The following EPAS1 variants were observed in gnomAD, a reference collection of about 807,000 sequenced individuals.
EPAS1 encodes the protein endothelial PAS domain protein 1.
Under a neutral mutation model 87.9 loss-of-function variants are expected in EPAS1, and 23 were observed. The observed-to-expected ratio is 0.26, with a 90% CI of 0.19 to 0.37. The LOEUF is 0.37. Among genes scored for constraint, EPAS1 ranks in the 10% least tolerant of loss-of-function variants. The probability of loss-of-function intolerance (pLI) is 1.00; values close to 1 mark genes in which losing one functional copy is unlikely to be tolerated. For synonymous variants in EPAS1, 508 were observed against 444.3 expected (o/e 1.14, Z -1.80); for missense variants, 1,138 against 1,120.7 (o/e 1.02, Z -0.22).
chr2:46,342,226 TG>T (rs1314884281), intron 1 of EPAS1, among the ~76,000 whole-genome samples: 1 of 152,174 alleles, frequency 6.6e-6, no homozygotes, highest in East Asian at 1.9e-4. Context: ...CAGTTAAGTA[TG>T]GGGACCAGTG....
intron 9 of EPAS1, 45 bp downstream of exon 9, chr2:46,376,798 G>C: frequency 6.3e-7 from 1 of 1,599,946 alleles, no homozygotes; most frequent in Non-Finnish European, 8.5e-7. Context: ...CCCCGTTGGG[G>C]CTGGGAAGAG....
At position 46,375,725 on chromosome 2, in the gene EPAS1, C is replaced by T. The variant is rs1245767976; in HGVS notation, c.922C>T (p.Arg308Trp). 1.2e-6 allele frequency: 2 copies of T among 1,614,000 alleles called. No individual in the cohort carries two copies. Among genetic ancestry groups the T allele is most frequent in the Non-Finnish European group, 1.7e-6 (2 of 1,180,016 alleles). The change falls in exon 8 of 16, where the codon CGG (arginine) becomes TGG (tryptophan). Residue 308 changes from arginine to tryptophan, a missense_variant. Around this residue, in one of 4 missense-constraint regions of EPAS1, gnomAD observed 351 missense variants for 417.1 expected, o/e 0.84. Coordinates refer to ENST00000263734, the MANE Select transcript of EPAS1 (RefSeq NM_001430.5). The surrounding 1 kb of genome is among the most constrained non-coding windows in gnomAD (Gnocchi z 4.1). ...GGGTCAGGTAGTAAGTGGCCAGTAC[C>T]GGATGCTCGCAAAGCATGGGGGCTA... ...TKGQVVSGQY[R>W]MLAKHGGYVW...
intron 9 of EPAS1, among the ~76,000 whole-genome samples, chr2:46,377,578 C>T (rs1380592906): frequency 6.6e-6 from 1 of 152,266 alleles, no homozygotes; most frequent in Non-Finnish European, 1.5e-5. Flanking sequence ...TAGCCCAATT[C>T]TCCTCTCCCT....
At chr2:46,377,565 CA>C (rs769076011) in intron 9 of EPAS1, among the ~76,000 whole-genome samples, 8 of 152,384 alleles carry the variant, frequency 5.2e-5, no homozygotes, top group Admixed American at 2.6e-4. Context: ...GCAAATAGCT[CA>C]ATAGCCCAAT....
At position 46,346,717 on chromosome 2, in the gene EPAS1, C is replaced by T. The variant is rs1684034298; in HGVS notation, c.27-156C>T. 6.6e-6 allele frequency among the ~76,000 whole-genome samples: 1 copy of T among 152,216 alleles called. No homozygotes were observed. The highest frequency in any genetic ancestry group is 2.4e-5 in the African/African-American group (1 of 41,446). On this transcript the variant is annotated intron_variant, in intron 1 of 15. Coordinates refer to ENST00000263734, the MANE Select transcript of EPAS1 (RefSeq NM_001430.5). This position sits in a 1 kb window ranked among gnomAD's most constrained non-coding sequence, Gnocchi z 4.0. ...CAAAAGCAGAGCTAACAATACAAAGCAGGTTGTGTGTGGCTCAGACAACTG... is the reference window on the plus strand; with the variant it reads ...CAAAAGCAGAGCTAACAATACAAAGTAGGTTGTGTGTGGCTCAGACAACTG...
Position 46,356,784 on chromosome 2 carries a change from C to T in EPAS1, c.430C>T (p.Arg144Cys). The change falls in exon 4 of 16, where the codon CGT (arginine) becomes TGT (cysteine). Residue 144 changes from arginine to cysteine, a missense_variant. Physicochemically the swap from Arg to Cys is radical, Grantham distance 180 (BLOSUM62 -3). This residue lies in a region of EPAS1 where 351 missense variants were observed against 417.1 expected (regional missense o/e 0.84). Transcript: ENST00000263734. ...TCATCCCTGCGACCATGAGGAGATT[C>T]GTGAGAACCTGAGTCTCAAAAATGG... ...FTHPCDHEEI[R>C]ENLSLKNGSG... is the part of the protein sequence containing the mutation. 4 of 1,613,704 alleles carry T rather than the reference C, an allele frequency of 2.5e-6. No individual in the cohort carries two copies. The highest frequency in any genetic ancestry group is 3.4e-6 in the Non-Finnish European group (4 of 1,179,586).
chr2:46,362,977 A>AGTGGTGGTGGTGGTGGTG (rs75642579), intron 6 of EPAS1, among the ~76,000 whole-genome samples: 9 of 104,370 alleles, frequency 8.6e-5, no homozygotes, highest in Non-Finnish European at 1.6e-4. Flanking sequence ...TGGTGGTGGT[A>AGTGGTGGTGGTGGTGGTG]GTGGTGGTGG....
rs1195191791 is a variant in EPAS1 at position 46,385,579 on chromosome 2, C to G, written c.*919C>G. Reference sequence around the variant, plus strand: ...TGTACGGACACTGTGGAAGGCCTCCCTCTGTCGGCTTTTTGCCATCTGTGA... The same window carrying G: ...TGTACGGACACTGTGGAAGGCCTCCGTCTGTCGGCTTTTTGCCATCTGTGA... On this transcript the variant is annotated 3_prime_UTR_variant, in exon 16 of 16. Coordinates refer to ENST00000263734, the MANE Select transcript of EPAS1 (RefSeq NM_001430.5). The G allele has an allele frequency of 6.6e-6, 1 of 152,250 alleles. No individual in the cohort carries two copies. The highest frequency in any genetic ancestry group is 1.9e-4 in the East Asian group (1 of 5,204). The allele number at this position is 152,250 out of a possible 1,614,324, so 9.4% of individuals were successfully genotyped here.
At position 46,383,049 on chromosome 2, in the gene EPAS1, G is replaced by A. The variant is rs186120083; in HGVS notation, c.2461+451G>A. Among the ~76,000 whole-genome samples, 729 of 152,326 alleles carry A rather than the reference G, an allele frequency of 4.8e-3. 4 individuals are homozygous for A. Among genetic ancestry groups the A allele is most frequent in the South Asian group, 0.023 (109 of 4,822 alleles). On this transcript the variant is annotated intron_variant, in intron 15 of 15. Coordinates refer to ENST00000263734, the MANE Select transcript of EPAS1 (RefSeq NM_001430.5). ...AGAGTTGGGAAGCGGTCTGGGCAGA[G>A]GCAGGGGATCTCCCGTCTATGCAAG...
chr2:46,299,098 GA>G, intron 1 of EPAS1, among the ~76,000 whole-genome samples: 1 of 152,388 alleles, frequency 6.6e-6, no homozygotes, highest in African/African-American at 2.4e-5. Flanking sequence ...CTAAGGGAGG[GA>G]GGTGACTGGC....
chr2:46,372,146 C>G (rs959304052), intron 7 of EPAS1, among the ~76,000 whole-genome samples: 1 of 152,198 alleles, frequency 6.6e-6, no homozygotes, highest in African/African-American at 2.4e-5. Flanking sequence ...ATAGAAATCA[C>G]AGGCTCTCTC....
intron 6 of EPAS1, among the ~76,000 whole-genome samples, chr2:46,368,544 T>C (rs192847058): frequency 1.0e-3 from 152 of 152,138 alleles, no homozygotes; most frequent in Admixed American, 2.4e-3. Flanking sequence ...AGGTTGCAAG[T>C]AGTATTTTAG....
At chr2:46,341,726 A>C (rs1683917973) in intron 1 of EPAS1, among the ~76,000 whole-genome samples, 1 of 152,220 alleles carries the variant, frequency 6.6e-6, no homozygotes, top group Non-Finnish European at 1.5e-5. Context: ...ACACATGATC[A>C]CAGGCCTGGA....
Position 46,360,101 on chromosome 2 carries a change from C to A in EPAS1, c.455-537C>A, listed in dbSNP as rs1028788419. On this transcript the variant is annotated intron_variant, in intron 4 of 15. Transcript: ENST00000263734. The surrounding 1 kb of genome is among the most constrained non-coding windows in gnomAD (Gnocchi z 4.5). ...AGGGACAAAGCTAATGGCATGGTATCCTGAACACAGCTATTGCAGTTTGCA... is the reference window on the plus strand; with the variant it reads ...AGGGACAAAGCTAATGGCATGGTATACTGAACACAGCTATTGCAGTTTGCA... Among the ~76,000 whole-genome samples, 1 of 152,142 alleles carries A rather than the reference C, an allele frequency of 6.6e-6. No individual in the cohort carries two copies. Among genetic ancestry groups the A allele is most frequent in the East Asian group, 1.9e-4 (1 of 5,202 alleles).
In EPAS1 at chr2:46,384,514, G is replaced by A. The variant is rs2103682245; in HGVS notation, c.2467G>A (p.Ala823Thr). 1 of 1,614,178 alleles carries A rather than the reference G, an allele frequency of 6.2e-7. No individual in the cohort carries two copies. Among genetic ancestry groups the A allele is most frequent in the Non-Finnish European group, 8.5e-7 (1 of 1,180,042 alleles). Reference sequence around the variant, plus strand: ...GGTACCAACCCTTCTTTCAGGCATGGCAAGCCGGCTGCTCGGGCCCTCATT... The same window carrying A: ...GGTACCAACCCTTCTTTCAGGCATGACAAGCCGGCTGCTCGGGCCCTCATT... The part of the protein sequence containing the change: ...LSSAHKVSGM[A>T]SRLLGPSFES... Residue 823 changes from alanine to threonine, a missense_variant, in exon 16 of 16, where the codon GCA (alanine) becomes ACA (threonine). Physicochemically the swap from Ala to Thr is moderately conservative, Grantham distance 58. Around this residue, in one of 4 missense-constraint regions of EPAS1, gnomAD observed 502 missense variants for 427.1 expected, o/e 1.18. Coordinates refer to ENST00000263734, the MANE Select transcript of EPAS1 (RefSeq NM_001430.5).
chr2:46,378,861 G>A, intron 11 of EPAS1, 94 bp downstream of exon 11: 1 of 1,217,954 alleles, frequency 8.2e-7, no homozygotes, highest in East Asian at 2.3e-5. Flanking sequence ...TCCCTTTGTT[G>A]TAAAGAGCAG....
At chr2:46,310,018 C>G (rs1683180648) in intron 1 of EPAS1, among the ~76,000 whole-genome samples, 1 of 152,218 alleles carries the variant, frequency 6.6e-6, no homozygotes, top group South Asian at 2.1e-4. Flanking sequence ...CCTGCTAGCC[C>G]TTAGTAAATC....
intron 6 of EPAS1, among the ~76,000 whole-genome samples, chr2:46,368,605 T>G (rs1197189381): frequency 6.6e-6 from 1 of 152,108 alleles, no homozygotes; most frequent in Non-Finnish European, 1.5e-5. Context: ...GGGGGGTGGG[T>G]TTAGAGCAGA....
intron 11 of EPAS1, among the ~76,000 whole-genome samples, chr2:46,379,075 A>G (rs898121055): frequency 6.6e-6 from 1 of 152,274 alleles, no homozygotes; most frequent in Non-Finnish European, 1.5e-5. Flanking sequence ...TAACAAGCAT[A>G]GCCAGATGTA....
Sources: gnomAD v4.1 joint callset for allele counts (sites outside exome capture counted in the v4.1 genomes callset) on GRCh38, gnomAD v4.1.1 for gene constraint, gnomAD v4.1.1 regional missense constraint, Gnocchi (gnomAD v3.1) non-coding constraint, MANE v1.5 for transcripts, NCBI Gene and HGNC (gene_info 2026-07-23, HGNC 2026-07-21) for gene names.